Variants in ANKRD30B observed in about 807,000 individuals in gnomAD.
ANKRD30B encodes the protein ankyrin repeat domain 30B, also known as ankyrin repeat domain-containing protein 30B.
ANKRD30B carries 144 observed loss-of-function variants against 202.2 expected under a neutral mutation model. The ratio of observed to expected loss-of-function variants is 0.71; its 90% CI spans 0.62 to 0.82. The LOEUF (loss-of-function observed/expected upper bound fraction) is 0.82, where lower values mean the gene tolerates loss of function less well. Among genes scored for constraint, ANKRD30B ranks in the 40% least tolerant of loss-of-function variants. The probability of loss-of-function intolerance (pLI) is 0.00; values close to 1 mark genes in which losing one functional copy is unlikely to be tolerated. For missense variants in ANKRD30B, 1,487 were observed against 1,669.1 expected (o/e 0.89, Z 1.90); for synonymous variants, 508 against 561.3 (o/e 0.91, Z 1.34).
the ANKRD30B span, among the ~76,000 whole-genome samples, chr18:14,903,422 G>A: frequency 6.6e-6 from 1 of 152,160 alleles, no homozygotes; most frequent in East Asian, 1.9e-4. Context: ...AGAATAAATA[G>A]ATCAGGGAAC....
At chr18:14,909,236 G>C in the ANKRD30B span, among the ~76,000 whole-genome samples, 1,457 of 152,262 alleles carry the variant, frequency 9.6e-3, 24 homozygotes, top group African/African-American at 0.032. Flanking sequence ...GCTTGTTAAG[G>C]GTGTCCCTGT....
intron 7 of ANKRD30B, among the ~76,000 whole-genome samples, chr18:14,766,492 A>AAAAAAG (rs1244546100): frequency 6.8e-6 from 1 of 147,596 alleles, no homozygotes; most frequent in Admixed American, 6.7e-5. Context: ...AAAAAAAAAA[A>AAAAAAG]AAAAAGAAAA....
chr18:14,927,738 T>C, the ANKRD30B span, among the ~76,000 whole-genome samples: 1 of 152,340 alleles, frequency 6.6e-6, no homozygotes, highest in Non-Finnish European at 1.5e-5. Context: ...ATTCTAAACC[T>C]TGGGCTACAG....
intron 16 of ANKRD30B, 110 bp from the exon 17 acceptor site, chr18:14,796,111 C>T (rs868096715): frequency 1.7e-6 from 2 of 1,193,006 alleles, no homozygotes; most frequent in East Asian, 2.4e-5. Flanking sequence ...TAGTGTAATC[C>T]CTTTTCAATC....
intron 1 of ANKRD30B, among the ~76,000 whole-genome samples, chr18:14,749,946 G>C (rs1259183151): frequency 1.3e-5 from 2 of 151,692 alleles, no homozygotes; most frequent in Non-Finnish European, 2.9e-5. Context: ...CACAAAATAA[G>C]TTCCTGATGG....
downstream of ANKRD30B, among the ~76,000 whole-genome samples, chr18:14,855,041 G>A (rs1399808036): frequency 6.6e-6 from 1 of 152,192 alleles, no homozygotes; most frequent in Admixed American, 6.5e-5. Flanking sequence ...TTCCTAGGCA[G>A]AGGTCCCTGC....
chr18:14,799,798 C>G (rs769819316), intron 22 of ANKRD30B, among the ~76,000 whole-genome samples: 1 of 151,920 alleles, frequency 6.6e-6, no homozygotes, highest in African/African-American at 2.4e-5. Context: ...CTTGATGATT[C>G]TTTGCTAGAT....
At chr18:14,808,937 T>C (rs1221548826) in intron 26 of ANKRD30B, among the ~76,000 whole-genome samples, 193 bp downstream of exon 26, 1 of 150,870 alleles carries the variant, frequency 6.6e-6, no homozygotes, top group Admixed American at 6.6e-5. Context: ...ATAAAAAAAA[T>C]TCAGCTTTGC....
At chr18:14,839,794 A>C (rs922321113) in intron 36 of ANKRD30B, among the ~76,000 whole-genome samples, 5 of 152,204 alleles carry the variant, frequency 3.3e-5, no homozygotes, top group African/African-American at 1.2e-4. Flanking sequence ...TCCTAAATGA[A>C]ACAGCTTTTA....
chr18:14,806,842 T>C (rs1387297680), intron 24 of ANKRD30B, among the ~76,000 whole-genome samples: 2 of 150,360 alleles, frequency 1.3e-5, no homozygotes, highest in African/African-American at 4.9e-5. Flanking sequence ...ATTTATCATA[T>C]TTTTACCTAA....
the ANKRD30B span, among the ~76,000 whole-genome samples, chr18:14,894,069 A>G: frequency 6.6e-6 from 1 of 152,216 alleles, no homozygotes; most frequent in Non-Finnish European, 1.5e-5. Context: ...CAACAATAGC[A>G]TAAATTTATT....
chr18:14,796,933 G>C (rs1968941573), intron 18 of ANKRD30B, among the ~76,000 whole-genome samples: 1 of 152,186 alleles, frequency 6.6e-6, no homozygotes, highest in South Asian at 2.1e-4. Flanking sequence ...ACAGGGATAA[G>C]AATTTACAAT....
downstream of ANKRD30B, among the ~76,000 whole-genome samples, chr18:14,858,593 T>C (rs1319766412): frequency 3.0e-5 from 3 of 101,214 alleles, no homozygotes; most frequent in African/African-American, 1.3e-4. Flanking sequence ...CAAGAGGTGC[T>C]CCTCATTTCC....
chr18:14,895,893 C>T, the ANKRD30B span, among the ~76,000 whole-genome samples: 3 of 152,116 alleles, frequency 2.0e-5, no homozygotes, highest in Admixed American at 1.3e-4. Flanking sequence ...AAAGCTGAAT[C>T]ACAGGGGATT....
chr18:14,782,385 T>C (rs536572521), intron 11 of ANKRD30B, 142 bp from the exon 12 acceptor site: 26 of 505,590 alleles, frequency 5.1e-5, no homozygotes, highest in South Asian at 4.6e-4. Context: ...CATCAAAATG[T>C]CGTGATTTTC....
At chr18:14,934,235 A>G in the ANKRD30B span, among the ~76,000 whole-genome samples, 17 of 152,226 alleles carry the variant, frequency 1.1e-4, no homozygotes, top group Non-Finnish European at 2.5e-4. Context: ...AATGTGTGCC[A>G]TGGGCTGCAG....
intron 32 of ANKRD30B, among the ~76,000 whole-genome samples, chr18:14,827,615 G>A (rs1388418337): frequency 1.3e-5 from 2 of 152,122 alleles, no homozygotes; most frequent in Non-Finnish European, 2.9e-5. Context: ...TGGTATGAGA[G>A]CAGAGGGAAA....
intron 33 of ANKRD30B, chr18:14,830,235 T>C (rs1970845593): frequency 6.5e-6 from 1 of 154,340 alleles, no homozygotes; most frequent in South Asian, 2.0e-4. Context: ...CAGATCTTTC[T>C]CTCTGTATAT....
At chr18:14,808,928 T>TA (rs1057373160) in intron 26 of ANKRD30B, among the ~76,000 whole-genome samples, 184 bp downstream of exon 26, 3 of 150,626 alleles carry the variant, frequency 2.0e-5, no homozygotes, top group East Asian at 1.9e-4. Context: ...GATTTAGAGA[T>TA]AAAAAAAATT....
Sources: allele counts gnomAD v4.1 joint callset (sites outside exome capture counted in the v4.1 genomes callset), GRCh38; gene constraint gnomAD v4.1.1; transcripts MANE v1.5; gene names NCBI Gene and HGNC (gene_info 2026-07-23, HGNC 2026-07-21).